Variants in CAPN15 observed in about 807,000 individuals in gnomAD.
CAPN15 encodes the protein calpain-15.
A neutral mutation model predicts 97.9 loss-of-function variants in CAPN15; 53 were observed. The ratio of observed to expected loss-of-function variants is 0.54; its 90% CI spans 0.43 to 0.68. The LOEUF is 0.68. Among genes scored for constraint, CAPN15 ranks in the 30% least tolerant of loss-of-function variants. CAPN15 has a pLI of 0.00. For missense variants in CAPN15, 1,592 were observed against 1,589.8 expected (o/e 1.00, Z -0.02); for synonymous variants, 922 against 722.5 (o/e 1.28, Z -4.43).
At chr16:533,759 G>A (rs1194382935) in intron 1 of CAPN15, among the ~76,000 whole-genome samples, 187 bp from the exon 2 acceptor site, 1 of 152,214 alleles carries the variant, frequency 6.6e-6, no homozygotes, top group African/African-American at 2.4e-5. Context: ...TCCCCGGGCT[G>A]CCTTTGGCGC....
chr16:553,424 G>A lies in CAPN15; in HGVS notation c.3169G>A (p.Ala1057Thr). The part of the protein sequence containing the change: ...HRLAHRKAAQ[A>T]FLSDWTASKG... ...CCTGGCACATCGCAAGGCAGCCCAG[G>A]CCTTCCTCAGTGACTGGACAGCCTC... Residue 1057 changes from alanine (A) to threonine (T), a missense_variant, in exon 14 of 14, where the codon GCC becomes ACC. This residue lies in a region of CAPN15 where 644 missense variants were observed against 699.6 expected (regional missense o/e 0.92). Transcript: ENST00000219611. 6.2e-7 allele frequency: 1 copy of A among 1,611,204 alleles called. No individual in the cohort carries two copies. Among genetic ancestry groups the A allele is most frequent in the Non-Finnish European group, 8.5e-7 (1 of 1,179,316 alleles).
Position 547,234 on chromosome 16 carries a change from G to T in CAPN15, c.396G>T (p.Glu132Asp), listed in dbSNP as rs1385025592. 1 of 1,518,448 alleles carries T rather than the reference G, an allele frequency of 6.6e-7. No homozygotes were observed. The highest frequency in any genetic ancestry group is 1.3e-5 in the South Asian group (1 of 79,476). The allele number at this position is 1,518,448 out of a possible 1,614,324, so 94.1% of individuals were successfully genotyped here. ...AGGACAAGGACGAGGAGGAGAAGGAGGAGCAGGAGGAGGAGGAGGGAGCGG... is the reference window on the plus strand; with the variant it reads ...AGGACAAGGACGAGGAGGAGAAGGATGAGCAGGAGGAGGAGGAGGGAGCGG... ...QCEDKDEEEK[E>D]EQEEEEGAAE... The change falls in exon 4 of 14, where the codon GAG becomes GAT. Residue 132 changes from glutamate (E) to aspartate (D), a missense_variant. Physicochemically the swap from Glu to Asp is conservative, Grantham distance 45 (BLOSUM62 2). This residue lies in a region of CAPN15 where 883 missense variants were observed against 776.6 expected (regional missense o/e 1.14). Transcript: ENST00000219611.
intron 1 of CAPN15, among the ~76,000 whole-genome samples, chr16:528,952 G>A (rs2033048193): frequency 6.6e-6 from 1 of 152,224 alleles, no homozygotes; most frequent in Non-Finnish European, 1.5e-5. Flanking sequence ...TCTGGGGCTG[G>A]GCAAGGATAT....
At chr16:540,074 T>C (rs1399833066) in intron 3 of CAPN15, 2 of 985,150 alleles carry the variant, frequency 2.0e-6, no homozygotes, top group African/African-American at 3.5e-5. Flanking sequence ...TTATTTTTGT[T>C]GTGTGTCACT....
rs1276251595 is a variant in CAPN15 at position 552,252 on chromosome 16, G to A, written c.2507+40G>A. On this transcript the variant is annotated intron_variant, in intron 10 of 13. Transcript: ENST00000219611. The surrounding 1 kb of genome is among the most constrained non-coding windows in gnomAD (Gnocchi z 6.4). ...GCCCCATCGGGCTGGGCTGGGCTAG[G>A]CTGGCGGCCGTGACCACGCGTGACC... 1 of 1,534,732 alleles carries A rather than the reference G, an allele frequency of 6.5e-7. No homozygotes were observed. Among genetic ancestry groups the A allele is most frequent in the Non-Finnish European group, 8.8e-7 (1 of 1,139,998 alleles).
In CAPN15 at chr16:549,805, T is replaced by C. The variant is rs2034860625; in HGVS notation, c.2033T>C (p.Ile678Thr). The part of the protein sequence containing the change: ...PREEPVDTDL[I>T]WAKMLSSKEA... ...GAGGAGCCCGTTGACACTGACCTCA[T>C]CTGGGCCAAAATGCTGAGTTCTAAG... The change falls in exon 7 of 14, where the codon ATC (isoleucine) becomes ACC (threonine). Residue 678 changes from isoleucine to threonine, a missense_variant. By Grantham distance (89) the Ile-to-Thr change is moderately conservative (BLOSUM62 -1). This residue lies in a region of CAPN15 where 644 missense variants were observed against 699.6 expected (regional missense o/e 0.92). Coordinates refer to ENST00000219611, the MANE Select transcript of CAPN15 (RefSeq NM_005632.3). 6.3e-7 allele frequency: 1 copy of C among 1,588,754 alleles called. No homozygotes were observed. Among genetic ancestry groups the C allele is most frequent in the Admixed American group, 1.7e-5 (1 of 57,542 alleles).
intron 9 of CAPN15, 172 bp downstream of exon 9, chr16:551,836 C>T (rs1216048959): frequency 3.9e-6 from 4 of 1,020,080 alleles, no homozygotes; most frequent in Non-Finnish European, 6.0e-6. Flanking sequence ...TTCAGGTCCA[C>T]CCAGGTCAGC....
chr16:553,614 C>A lies in CAPN15; in HGVS notation c.*98C>A. 1.4e-6 allele frequency: 1 copy of A among 735,550 alleles called. No homozygotes were observed. Among genetic ancestry groups the A allele is most frequent in the Non-Finnish European group, 2.1e-6 (1 of 482,600 alleles). 45.6% of individuals were successfully genotyped at this position (735,550 alleles called of 1,614,324 possible). A position where few individuals can be genotyped will look rare whatever the true frequency, so the allele number is the denominator to read the frequency against. ...CGACAGAGGACGCTTGAGCCAGAATCTCAGGACCCCGCCCAGGGAGCTGCC... is the reference window on the plus strand; with the variant it reads ...CGACAGAGGACGCTTGAGCCAGAATATCAGGACCCCGCCCAGGGAGCTGCC... On this transcript the variant is annotated 3_prime_UTR_variant, in exon 14 of 14. Transcript: ENST00000219611.
rs772978454 is a variant in CAPN15 at position 552,514 on chromosome 16, C to T, written c.2721C>T (p.Gly907=). The T allele has an allele frequency of 1.9e-6, 3 of 1,602,882 alleles. No homozygotes were observed. Among genetic ancestry groups the T allele is most frequent in the Non-Finnish European group, 2.5e-6 (3 of 1,178,196 alleles). ...AFNHWGPPLP[G]TPAPQASSPS... ...ACCACTGGGGGCCGCCCCTGCCGGG[C>T]ACCCCTGCCCCCCAGGGTACGTGGC... is the stretch of plus-strand genomic sequence containing the variant. Residue 907 remains glycine, a synonymous_variant, in exon 11 of 14, where the codon GGC becomes GGT. Coordinates refer to ENST00000219611, the MANE Select transcript of CAPN15 (RefSeq NM_005632.3). The surrounding 1 kb of genome is among the most constrained non-coding windows in gnomAD (Gnocchi z 6.4).
At chr16:553,302 C>G in intron 13 of CAPN15, 37 bp from the exon 14 acceptor site, 3 of 1,530,122 alleles carry the variant, frequency 2.0e-6, no homozygotes, top group African/African-American at 2.8e-5. Context: ...CATCCCCACC[C>G]TGCCCTCCAC....
chr16:550,363 C>G (rs113680586), intron 7 of CAPN15, among the ~76,000 whole-genome samples: 288 of 152,342 alleles, frequency 1.9e-3, no homozygotes, highest in Middle Eastern at 6.8e-3. Context: ...CCCACAAGGC[C>G]TCCAGGGGAC....
In CAPN15 at chr16:552,383, A is replaced by G; in HGVS notation, c.2590A>G (p.Ser864Gly). 1 of 1,604,354 alleles carries G rather than the reference A, an allele frequency of 6.2e-7. No homozygotes were observed. Among genetic ancestry groups the G allele is most frequent in the Admixed American group, 1.7e-5 (1 of 59,670 alleles). Reference protein sequence around the residue: ...RATFGSGGHLSLGRLLAHSKR... With the variant: ...RATFGSGGHLGLGRLLAHSKR... ...CACGTTCGGCAGCGGCGGCCACCTC[A>G]GCCTGGGCCGCCTCCTGGCCCACAG... The change falls in exon 11 of 14, where the codon AGC becomes GGC. Residue 864 changes from serine to glycine, a missense_variant. Physicochemically the swap from Ser to Gly is moderately conservative, Grantham distance 56. Around this residue, in one of 3 missense-constraint regions of CAPN15, gnomAD observed 644 missense variants for 699.6 expected, o/e 0.92. Transcript: ENST00000219611. This position sits in a 1 kb window ranked among gnomAD's most constrained non-coding sequence, Gnocchi z 6.4.
rs2033461894 is a variant in CAPN15, at chr16:533,951, A to G, written c.-184A>G. The G allele has an allele frequency of 1.0e-6, 1 of 985,236 alleles. No individual in the cohort carries two copies. The highest frequency in any genetic ancestry group is 1.2e-6 in the Non-Finnish European group (1 of 829,854). The allele number at this position is 985,236 out of a possible 1,614,324, so 61.0% of individuals were successfully genotyped here. On this transcript the variant is annotated 5_prime_UTR_variant, in exon 2 of 14. Coordinates refer to ENST00000219611, the MANE Select transcript of CAPN15 (RefSeq NM_005632.3). ...TTAAATGCCTCCCTTTCTAGGCAGC[A>G]GCCCAGACGCGGCACAGAGAGGGCC...
At chr16:534,118 C>T in intron 2 of CAPN15, 120 bp downstream of exon 2, 2 of 225,354 alleles carry the variant, frequency 8.9e-6, no homozygotes, top group Admixed American at 2.1e-4. Context: ...CCTTGATTCA[C>T]AGAACCCCTG....
chr16:547,594 C>T lies in CAPN15; in HGVS notation c.756C>T (p.Pro252=). ...TGCCGCGCAGCCGACGCGAGGTTCC[C>T]CCCCAGCTGCAGCCACCGGTGCCTG... ...NPVPRSRREV[P]PQLQPPVPEA... is the part of the protein sequence containing the mutation. The change falls in exon 4 of 14, where the codon CCC becomes CCT. Residue 252 remains proline, a synonymous_variant. Transcript: ENST00000219611. The T allele has an allele frequency of 6.3e-7, 1 of 1,576,060 alleles. No individual in the cohort carries two copies. The highest frequency in any genetic ancestry group is 1.1e-5 in the South Asian group (1 of 89,514).
rs892496751 is a variant in CAPN15, at chr16:554,524, T to C, written c.*1008T>C. The stretch of plus-strand genomic sequence containing the variant: ...ACCCTGTAAATACGGCCAGCTCTTG[T>C]GACACAGAGACTATTTTATCAATTG... On this transcript the variant is annotated 3_prime_UTR_variant, in exon 14 of 14. Coordinates refer to ENST00000219611, the MANE Select transcript of CAPN15 (RefSeq NM_005632.3). 8 of 456,088 alleles carry C rather than the reference T, an allele frequency of 1.8e-5. No individual in the cohort carries two copies. Among genetic ancestry groups the C allele is most frequent in the African/African-American group, 4.0e-5 (2 of 50,082 alleles). The allele number at this position is 456,088 out of a possible 1,614,324, so 28.3% of individuals were successfully genotyped here.
intron 3 of CAPN15, among the ~76,000 whole-genome samples, chr16:543,808 CAGCCCTGGCGTTTACTGA>C (rs1293493085): frequency 2.6e-5 from 4 of 152,182 alleles, no homozygotes; most frequent in African/African-American, 9.7e-5. Flanking sequence ...GTCAGCGCGA[CAGCCCTGGCGTTTACTGA>C]AGAGCTGCCT....
At chr16:538,881 C>T (rs149058708) in intron 3 of CAPN15, 1 of 151,902 alleles carries the variant, frequency 6.6e-6, no homozygotes, top group African/African-American at 2.4e-5. Context: ...CCCCACCCCC[C>T]CCAGCCCGCT....
At chr16:531,444 C>G (rs548904200) in intron 1 of CAPN15, among the ~76,000 whole-genome samples, 1 of 152,332 alleles carries the variant, frequency 6.6e-6, no homozygotes, top group South Asian at 2.1e-4. Context: ...CTCCCTACCC[C>G]CCACCTCCCT....
Sources: allele counts gnomAD v4.1 joint callset (sites outside exome capture counted in the v4.1 genomes callset), GRCh38; gene constraint gnomAD v4.1.1; regional missense constraint gnomAD v4.1.1; non-coding constraint Gnocchi (gnomAD v3.1); transcripts MANE v1.5; gene names NCBI Gene and HGNC (gene_info 2026-07-23, HGNC 2026-07-21).